Variants in ATRN observed in about 807,000 individuals in gnomAD.
ATRN encodes the protein attractin-2.
A neutral mutation model predicts 178.7 loss-of-function variants in ATRN; 54 were observed. That is an observed-to-expected ratio of 0.30 (90% CI 0.24 to 0.38). The LOEUF (loss-of-function observed/expected upper bound fraction) is 0.38. Among genes scored for constraint, ATRN ranks in the 10% least tolerant of loss-of-function variants. ATRN has a pLI of 1.00. For synonymous variants in ATRN, 636 were observed against 663.0 expected, an observed-to-expected ratio of 0.96 and a Z score of 0.63; for missense variants, 1,443 against 1,815.1, an observed-to-expected ratio of 0.79 and a Z score of 3.73.
chr20:3,578,717 A>C lies in ATRN; in HGVS notation c.2489A>C (p.Lys830Thr). ...NALLASLTTQKKVEFVLKQLR... is the reference protein window; with the variant it reads ...NALLASLTTQTKVEFVLKQLR... ...CTTTTGGCTTCTCTTACAACCCAGA[A>C]GAAGGTAGAATTTGTCCTTAAGCAG... The change falls in exon 15 of 29, where the codon AAG (lysine) becomes ACG (threonine). Residue 830 changes from lysine to threonine, a missense_variant. By Grantham distance (78) the Lys-to-Thr change is moderately conservative. Around this residue, in one of 4 missense-constraint regions of ATRN, gnomAD observed 212 missense variants for 330.7 expected, o/e 0.64. Transcript: ENST00000262919. The C allele has an allele frequency of 6.2e-7, 1 of 1,614,180 alleles. No homozygotes were observed. The highest frequency in any genetic ancestry group is 8.5e-7 in the Non-Finnish European group (1 of 1,180,000).
At chr20:3,575,297 C>T (rs191806699) in intron 12 of ATRN, among the ~76,000 whole-genome samples, 1 of 152,250 alleles carries the variant, frequency 6.6e-6, no homozygotes, top group African/African-American at 2.4e-5. Flanking sequence ...ACAGGAGATG[C>T]GGCAGGTCTG....
chr20:3,634,083 A>G (rs1461192158), intron 25 of ATRN, among the ~76,000 whole-genome samples: 1 of 152,196 alleles, frequency 6.6e-6, no homozygotes, highest in Admixed American at 6.5e-5. Context: ...CTCTCTCTGA[A>G]TACCACATGG....
chr20:3,604,798 C>CA (rs2086657131), intron 24 of ATRN, among the ~76,000 whole-genome samples: 1 of 152,154 alleles, frequency 6.6e-6, no homozygotes, highest in Non-Finnish European at 1.5e-5. Flanking sequence ...TCCAAGTCTC[C>CA]AGTTCTCTGT....
At chr20:3,629,112 G>A (rs528327344) in intron 25 of ATRN, 85 of 985,206 alleles carry the variant, frequency 8.6e-5, no homozygotes, top group South Asian at 8.0e-4. Flanking sequence ...AGCTGTGGCC[G>A]TCAGTGCACT....
At position 3,647,009 on chromosome 20, in the gene ATRN, G is replaced by A. The variant is rs561406735; in HGVS notation, c.*162G>A. The A allele has an allele frequency of 1.3e-3, 1,263 of 937,296 alleles. 11 individuals are homozygous for A. The highest frequency in any genetic ancestry group is 7.4e-3 in the Middle Eastern group (21 of 2,840). 58.1% of individuals were successfully genotyped at this position (937,296 alleles called of 1,614,324 possible). A position where few individuals can be genotyped will look rare whatever the true frequency, so the allele number is the denominator to read the frequency against. Reference sequence around the variant, plus strand: ...TGCATGATCACAAGCTTTCTTTGACGGTTTCTCCCATCCGTGTTCCAGCAT... The same window carrying A: ...TGCATGATCACAAGCTTTCTTTGACAGTTTCTCCCATCCGTGTTCCAGCAT... On this transcript the variant is annotated 3_prime_UTR_variant, in exon 29 of 29. Transcript: ENST00000262919.
intron 22 of ATRN, among the ~76,000 whole-genome samples, chr20:3,600,397 A>G (rs919391858): frequency 6.6e-6 from 1 of 152,350 alleles, no homozygotes; most frequent in East Asian, 1.9e-4. Flanking sequence ...AATCATGAAT[A>G]TAATAAAATT....
intron 6 of ATRN, 87 bp downstream of exon 6, chr20:3,549,425 G>T: frequency 8.6e-7 from 1 of 1,160,264 alleles, no homozygotes. Context: ...TAAATCACCA[G>T]TCATTCTACT....
At chr20:3,494,063 C>T (rs949809981) in intron 1 of ATRN, among the ~76,000 whole-genome samples, 3 of 152,126 alleles carry the variant, frequency 2.0e-5, no homozygotes, top group Non-Finnish European at 2.9e-5. Flanking sequence ...AAGTTTACCA[C>T]GGAGAAGGCA....
intron 1 of ATRN, among the ~76,000 whole-genome samples, chr20:3,495,675 T>G (rs1203796753): frequency 1.3e-5 from 2 of 151,784 alleles, no homozygotes; most frequent in African/African-American, 4.8e-5. Flanking sequence ...TTAAATAAAA[T>G]ATGACTTGTT....
At position 3,650,575 on chromosome 20, in the gene ATRN, G is replaced by A. The variant is rs1316961176; in HGVS notation, c.*3728G>A. 1 of 152,212 alleles carries A rather than the reference G, an allele frequency of 6.6e-6. No individual in the cohort carries two copies. Among genetic ancestry groups the A allele is most frequent in the African/African-American group, 2.4e-5 (1 of 41,432 alleles). 9.4% of individuals were successfully genotyped at this position (152,212 alleles called of 1,614,324 possible). On this transcript the variant is annotated 3_prime_UTR_variant, in exon 29 of 29. Coordinates refer to ENST00000262919, the MANE Select transcript of ATRN (RefSeq NM_139321.3). Reference sequence around the variant, plus strand: ...AAACTTGGCTCCAGCCATTGCGGTGGTTTCTAGATAGCCAGGCCCACCAAG... The same window carrying A: ...AAACTTGGCTCCAGCCATTGCGGTGATTTCTAGATAGCCAGGCCCACCAAG...
chr20:3,617,119 T>C (rs1388946501), intron 24 of ATRN, among the ~76,000 whole-genome samples: 1 of 152,212 alleles, frequency 6.6e-6, no homozygotes, highest in Non-Finnish European at 1.5e-5. Context: ...GACACCTTTT[T>C]CTGATATTGT....
At chr20:3,597,744 A>T (rs1482104727) in intron 21 of ATRN, among the ~76,000 whole-genome samples, 162 bp from the exon 22 acceptor site, 1 of 152,234 alleles carries the variant, frequency 6.6e-6, no homozygotes, top group African/African-American at 2.4e-5. Flanking sequence ...AAATAAAATG[A>T]TACTGCCCAC....
chr20:3,573,361 G>A (rs560986461), intron 12 of ATRN, among the ~76,000 whole-genome samples: 1 of 152,336 alleles, frequency 6.6e-6, no homozygotes, highest in African/African-American at 2.4e-5. Flanking sequence ...GCTAGTGTGA[G>A]TGAAGAACTG....
Position 3,632,989 on chromosome 20 carries a change from G to T in ATRN, c.3864-1322G>T, listed in dbSNP as rs779778223. Among the ~76,000 whole-genome samples the T allele has an allele frequency of 6.6e-6, 1 of 152,180 alleles. No individual in the cohort carries two copies. The highest frequency in any genetic ancestry group is 1.5e-5 in the Non-Finnish European group (1 of 68,044). ...CACTAAAAATACAAAAATTAGCTGG[G>T]TGTGATGGCGCACACCTGTAGTCCA... is the stretch of plus-strand genomic sequence containing the variant. On this transcript the variant is annotated intron_variant, in intron 25 of 28. Transcript: ENST00000262919. This position sits in a 1 kb window ranked among gnomAD's most constrained non-coding sequence, Gnocchi z 4.2.
chr20:3,587,358 A>G (rs1300340757), intron 18 of ATRN, among the ~76,000 whole-genome samples: 1 of 151,926 alleles, frequency 6.6e-6, no homozygotes, highest in Non-Finnish European at 1.5e-5. Flanking sequence ...AGTTTCATAG[A>G]TTTGTGTGTT....
At chr20:3,528,174 C>T (rs1037043925) in intron 1 of ATRN, among the ~76,000 whole-genome samples, 1 of 151,832 alleles carries the variant, frequency 6.6e-6, no homozygotes, top group African/African-American at 2.4e-5. Flanking sequence ...TTCAAACCAG[C>T]CTGGCCAAGA....
intron 24 of ATRN, 73 bp from the exon 25 acceptor site, chr20:3,624,438 C>A: frequency 7.6e-7 from 1 of 1,316,156 alleles, no homozygotes; most frequent in South Asian, 1.2e-5. Context: ...CAGCTTAACT[C>A]TTGAAATGAG....
chr20:3,507,572 G>C (rs1020696085), intron 1 of ATRN, among the ~76,000 whole-genome samples: 3 of 151,858 alleles, frequency 2.0e-5, no homozygotes, highest in Non-Finnish European at 4.4e-5. Flanking sequence ...GTCCTAGAAT[G>C]TTCACAAAGT....
chr20:3,646,752 A>G lies in ATRN; in HGVS notation c.4195A>G (p.Ile1399Val), dbSNP rs757337991. ...TGCTGTGGCCAGCGCCCTGGTGGAC[A>G]TTTCTCAGCAGATGCCGATAGTGTA... is the stretch of plus-strand genomic sequence containing the variant. ...GLAVASALVD[I>V]SQQMPIVYKE... The change falls in exon 29 of 29, where the codon ATT becomes GTT. Residue 1399 changes from isoleucine (I) to valine (V), a missense_variant. Around this residue, in one of 4 missense-constraint regions of ATRN, gnomAD observed 289 missense variants for 440.8 expected, o/e 0.66. Transcript: ENST00000262919. 6 of 1,605,254 alleles carry G rather than the reference A, an allele frequency of 3.7e-6. No homozygotes were observed. In the Admixed American group the frequency reaches 8.5e-5, roughly 23 times the overall value.
Sources: gnomAD v4.1 joint callset for allele counts (sites outside exome capture counted in the v4.1 genomes callset) on GRCh38, gnomAD v4.1.1 for gene constraint, gnomAD v4.1.1 regional missense constraint, Gnocchi (gnomAD v3.1) non-coding constraint, MANE v1.5 for transcripts, NCBI Gene and HGNC (gene_info 2026-07-23, HGNC 2026-07-21) for gene names.